Variants in TSHZ3 observed in about 807,000 individuals in gnomAD.
The protein encoded by TSHZ3 is teashirt homolog 3.
In TSHZ3, 10 loss-of-function variants were observed where a neutral mutation model predicts 64.5. That is an observed-to-expected ratio of 0.16 (90% CI 0.10 to 0.26). The LOEUF is 0.26. Among genes scored for constraint, TSHZ3 ranks in the 10% least tolerant of loss-of-function variants. The pLI is 1.00. For missense variants in TSHZ3, 1,242 were observed against 1,421.7 expected, an observed-to-expected ratio of 0.87 and a Z score of 2.03; for synonymous variants, 608 against 593.1, an observed-to-expected ratio of 1.03 and a Z score of -0.36.
intron 5 of TSHZ3, among the ~76,000 whole-genome samples, chr19:31,190,630 T>C (rs79852792): frequency 0.066 from 6,990 of 105,492 alleles, 520 homozygotes; most frequent in African/African-American, 0.22. Flanking sequence ...ATTCATAATA[T>C]TCAGCACACA....
chr19:31,282,159 G>C (rs532223914), intron 1 of TSHZ3, among the ~76,000 whole-genome samples: 2 of 152,226 alleles, frequency 1.3e-5, no homozygotes, highest in South Asian at 4.2e-4. Context: ...TCCATAGTAC[G>C]GTTTTATTGT....
chr19:31,279,718 C>G lies in TSHZ3; in HGVS notation c.75G>C (p.Leu25=), dbSNP rs768774821. The G allele has an allele frequency of 3.9e-6, 6 of 1,522,382 alleles. No homozygotes were observed. The Admixed American group carries it at 1.1e-4, about 28-fold the overall frequency. 94.3% of individuals were successfully genotyped at this position (1,522,382 alleles called of 1,614,324 possible). The change falls in exon 2 of 2, where the codon CTG becomes CTC. Residue 25 remains leucine, a synonymous_variant. Transcript: ENST00000240587. This position sits in a 1 kb window ranked among gnomAD's most constrained non-coding sequence, Gnocchi z 6.4. ...CCTCTGGGTCTAAACCTTCGTCCACCAGGGCAGCAGCCTTTAACTCTTCGG... is the reference window on the plus strand; with the variant it reads ...CCTCTGGGTCTAAACCTTCGTCCACGAGGGCAGCAGCCTTTAACTCTTCGG... ...YVSEELKAAA[L]VDEGLDPEEH...
At chr19:31,232,007 A>G (rs1453652627) in intron 3 of TSHZ3, among the ~76,000 whole-genome samples, 2 of 152,112 alleles carry the variant, frequency 1.3e-5, no homozygotes, top group Non-Finnish European at 2.9e-5. Flanking sequence ...TCTTGGGGAA[A>G]AGGCCTAAGA....
At chr19:31,178,598 G>A (rs1432404359) in intron 5 of TSHZ3, among the ~76,000 whole-genome samples, 2 of 152,202 alleles carry the variant, frequency 1.3e-5, no homozygotes, top group African/African-American at 4.8e-5. Context: ...AGAATCACTT[G>A]AAACCGGGAG....
intron 1 of TSHZ3, among the ~76,000 whole-genome samples, chr19:31,305,304 T>G (rs1200795881): frequency 6.8e-6 from 1 of 147,708 alleles, no homozygotes; most frequent in Admixed American, 6.6e-5. Context: ...TGGTGAATTC[T>G]GCTGTCTGGA....
intron 1 of TSHZ3, among the ~76,000 whole-genome samples, chr19:31,321,313 A>ACGCT (rs1353018117): frequency 6.6e-6 from 1 of 152,188 alleles, no homozygotes; most frequent in East Asian, 1.9e-4. Flanking sequence ...GCAGGGCTGG[A>ACGCT]CGCTGCTCAC....
chr19:31,328,179 A>G (rs1362715289), intron 1 of TSHZ3, among the ~76,000 whole-genome samples: 1 of 152,228 alleles, frequency 6.6e-6, no homozygotes, highest in African/African-American at 2.4e-5. Flanking sequence ...CCCAGCTAGA[A>G]TTCATTTATA....
At chr19:31,258,094 G>A (rs1015967206) in intron 1 of TSHZ3, among the ~76,000 whole-genome samples, 1 of 152,172 alleles carries the variant, frequency 6.6e-6, no homozygotes, top group East Asian at 1.9e-4. Context: ...CCGGAAACAA[G>A]CATCCCAGGC....
chr19:31,181,137 G>T (rs1282835365), intron 5 of TSHZ3, among the ~76,000 whole-genome samples: 1 of 152,016 alleles, frequency 6.6e-6, no homozygotes, highest in Non-Finnish European at 1.5e-5. Context: ...CAGAGATTTA[G>T]ATCCACTTAC....
chr19:31,302,007 C>T (rs1976765803), intron 1 of TSHZ3, among the ~76,000 whole-genome samples: 1 of 152,104 alleles, frequency 6.6e-6, no homozygotes, highest in Admixed American at 6.5e-5. Context: ...TGTGAGCTGG[C>T]CCTCCAAGAT....
rs34633479 is a variant in TSHZ3 at position 31,171,611 on chromosome 19, G to GA, written n.810-15195dup. Among the ~76,000 whole-genome samples the GA allele has an allele frequency of 7.7e-3, 1,069 of 138,272 alleles. 12 individuals carry two copies. The highest frequency in any genetic ancestry group is 0.02 in the African/African-American group (764 of 38,370). The allele number at this position is 138,272 out of a possible 152,430, so 90.7% of individuals were successfully genotyped here. A position where few individuals can be genotyped will look rare whatever the true frequency, so the allele number is the denominator to read the frequency against. On this transcript the variant is annotated intron_variant and non_coding_transcript_variant, in intron 5 of 6. Coordinates refer to the TSHZ3 transcript ENST00000651361. ...TGAATTTCTATGTTTATTCAAAAAA[G>GA]AAAAAAAAAAACCCATAAACCTCAG...
intron 5 of TSHZ3, among the ~76,000 whole-genome samples, chr19:31,191,976 A>T (rs567040941): frequency 1.3e-5 from 2 of 152,258 alleles, no homozygotes; most frequent in Non-Finnish European, 2.9e-5. Context: ...GGCATATAAC[A>T]TATAAAGTAA....
chr19:31,162,954 A>T (rs1000548012), intron 5 of TSHZ3, among the ~76,000 whole-genome samples: 1 of 152,168 alleles, frequency 6.6e-6, no homozygotes, highest in African/African-American at 2.4e-5. Flanking sequence ...GCCCCACTGA[A>T]TCACACAGCA....
At chr19:31,164,573 C>A (rs1974417855) in intron 5 of TSHZ3, among the ~76,000 whole-genome samples, 1 of 152,154 alleles carries the variant, frequency 6.6e-6, no homozygotes, top group African/African-American at 2.4e-5. Context: ...GGAGCCAGAG[C>A]CTCGGGTCCC....
intron 4 of TSHZ3, among the ~76,000 whole-genome samples, chr19:31,227,483 G>A (rs557135534): frequency 1.3e-5 from 2 of 152,058 alleles, no homozygotes; most frequent in African/African-American, 4.8e-5. Context: ...AAGAGACTGG[G>A]CCAACTCTGC....
intron 1 of TSHZ3, among the ~76,000 whole-genome samples, chr19:31,250,280 C>T (rs1975819888): frequency 6.6e-6 from 1 of 152,250 alleles, no homozygotes; most frequent in Non-Finnish European, 1.5e-5. Flanking sequence ...CAAAAATTTT[C>T]CCTGACAGCC....
At position 31,324,604 on chromosome 19, in the gene TSHZ3, C is replaced by T. The variant is rs1916880520; in HGVS notation, c.40+24576G>A. On this transcript the variant is annotated intron_variant, in intron 1 of 1. Transcript: ENST00000240587. ...GGTTTTAGGTTTGGAGGCCTATGGC[C>T]TCTGGTATATGGAACTTCCCTGAAA... Among the ~76,000 whole-genome samples the T allele has an allele frequency of 2.0e-5, 3 of 152,222 alleles. No individual in the cohort carries two copies. The South Asian group carries it at 6.2e-4, about 32-fold the overall frequency.
intron 4 of TSHZ3, among the ~76,000 whole-genome samples, chr19:31,217,133 T>G (rs1361479330): frequency 6.6e-6 from 1 of 152,178 alleles, no homozygotes; most frequent in Non-Finnish European, 1.5e-5. Context: ...CATGAAGGAC[T>G]ATGACACATC....
chr19:31,190,620 A>G (rs2145137377), intron 5 of TSHZ3, among the ~76,000 whole-genome samples: 1 of 136,706 alleles, frequency 7.3e-6, no homozygotes, highest in African/African-American at 2.8e-5. Flanking sequence ...ACTATGTAGC[A>G]TTCATAATAT....
Sources: gnomAD v4.1 joint callset for allele counts (sites outside exome capture counted in the v4.1 genomes callset) on GRCh38, gnomAD v4.1.1 for gene constraint, Gnocchi (gnomAD v3.1) non-coding constraint, MANE v1.5 for transcripts, NCBI Gene and HGNC (gene_info 2026-07-23, HGNC 2026-07-21) for gene names.